Variants in RPS6KA2 observed in about 807,000 individuals in gnomAD.
RPS6KA2 encodes ribosomal protein S6 kinase A2, also known as ribosomal protein S6 kinase alpha-2.
In RPS6KA2, 42 loss-of-function variants were observed where a neutral mutation model predicts 91.8. The observed-to-expected ratio is 0.46, with a 90% CI of 0.36 to 0.59. The LOEUF (loss-of-function observed/expected upper bound fraction) is 0.59, where lower values mean the gene tolerates loss of function less well. Ranked by LOEUF, RPS6KA2 falls within the 20% of genes least tolerant of loss-of-function variation. RPS6KA2 has a pLI of 0.00. For missense variants in RPS6KA2, 798 were observed against 978.5 expected (o/e 0.82, Z 2.46); for synonymous variants, 414 against 393.6 (o/e 1.05, Z -0.61).
At chr6:166,844,826 C>G (rs187358798) in intron 2 of RPS6KA2, among the ~76,000 whole-genome samples, 22 of 151,282 alleles carry the variant, frequency 1.5e-4, no homozygotes, top group African/African-American at 5.1e-4. Context: ...CTTCTTAAAA[C>G]ATAAATCTCA....
At chr6:166,778,556 A>C (rs541142537) in intron 2 of RPS6KA2, among the ~76,000 whole-genome samples, 18 of 152,358 alleles carry the variant, frequency 1.2e-4, no homozygotes, top group Admixed American at 6.5e-4. Flanking sequence ...ACCTGAGGTC[A>C]GGAGTTCAAG....
chr6:166,861,929 G>A (rs1281295272), intron 1 of RPS6KA2, among the ~76,000 whole-genome samples: 1 of 152,242 alleles, frequency 6.6e-6, no homozygotes, highest in Non-Finnish European at 1.5e-5. Context: ...CACACGCAAT[G>A]TTTATCCATG....
chr6:166,476,124 G>A (rs1281566561), intron 10 of RPS6KA2, among the ~76,000 whole-genome samples: 1 of 152,174 alleles, frequency 6.6e-6, no homozygotes, highest in Middle Eastern at 3.2e-3. Flanking sequence ...GGGAAATTTG[G>A]ACACAGACCC....
intron 2 of RPS6KA2, among the ~76,000 whole-genome samples, chr6:166,653,462 C>T (rs886096708): frequency 6.6e-6 from 1 of 152,226 alleles, no homozygotes; most frequent in Non-Finnish European, 1.5e-5. Context: ...GAATCAGACA[C>T]GAGAAGACGG....
rs58803664 is a variant in RPS6KA2, at chr6:166,650,739, C to T, written c.124-111955G>A. Among the ~76,000 whole-genome samples, 4 of 152,246 alleles carry T rather than the reference C, an allele frequency of 2.6e-5. No individual in the cohort carries two copies. The South Asian group carries it at 8.3e-4, about 32-fold the overall frequency. ...TTGTTGGCTTCAAGTTCACTTGGTT[C>T]TCTCTCTGTCTCCAGTCCTGGCTGA... On this transcript the variant is annotated intron_variant, in intron 2 of 21. Coordinates refer to the RPS6KA2 transcript ENST00000503859.
At chr6:166,745,510 C>T (rs909085872) in intron 2 of RPS6KA2, among the ~76,000 whole-genome samples, 4 of 152,148 alleles carry the variant, frequency 2.6e-5, no homozygotes, top group African/African-American at 9.7e-5. Flanking sequence ...ACCTTCAAGA[C>T]CATTTTACCT....
At chr6:166,812,794 T>C (rs1779673070) in intron 2 of RPS6KA2, among the ~76,000 whole-genome samples, 1 of 152,216 alleles carries the variant, frequency 6.6e-6, no homozygotes, top group Non-Finnish European at 1.5e-5. Flanking sequence ...CTCACATTTT[T>C]CATCTTTGAG....
chr6:166,463,895 G>A (rs563297297), intron 11 of RPS6KA2, among the ~76,000 whole-genome samples: 34 of 152,252 alleles, frequency 2.2e-4, no homozygotes, highest in African/African-American at 7.7e-4. Context: ...CTCATGGAGC[G>A]GGACTGTGCC....
In RPS6KA2 at chr6:166,662,692, T is replaced by C. The variant is rs9348166; in HGVS notation, c.124-123908A>G. Among the ~76,000 whole-genome samples, 21,178 of 152,170 alleles carry C rather than the reference T, an allele frequency of 0.14. 1,503 individuals carry two copies. Among genetic ancestry groups the C allele is most frequent in the Middle Eastern group, 0.18 (52 of 294 alleles). On this transcript the variant is annotated intron_variant, in intron 2 of 21. Transcript: ENST00000503859. This position sits in a 1 kb window ranked among gnomAD's most constrained non-coding sequence, Gnocchi z 4.3. The stretch of plus-strand genomic sequence containing the variant: ...TGGTTTAGCTTGTAAACCCAATATT[T>C]CATCATAATCCAGTAAACCAAATTA...
chr6:166,857,944 T>G (rs1007116453), intron 2 of RPS6KA2: 10 of 523,176 alleles, frequency 1.9e-5, no homozygotes, highest in Middle Eastern at 4.6e-4. Flanking sequence ...CAGGAGACCA[T>G]GAACTTTACC....
intron 2 of RPS6KA2, among the ~76,000 whole-genome samples, chr6:166,677,582 A>G (rs1161603844): frequency 6.6e-6 from 1 of 152,168 alleles, no homozygotes; most frequent in African/African-American, 2.4e-5. Flanking sequence ...CCTGGCCTCA[A>G]GTGATCTGCC....
At chr6:166,450,443 A>T (rs111163609) in intron 13 of RPS6KA2, among the ~76,000 whole-genome samples, 5 of 141,830 alleles carry the variant, frequency 3.5e-5, no homozygotes, top group African/African-American at 7.9e-5. Flanking sequence ...GGACCACCAC[A>T]GGAACCACCA....
At chr6:166,647,968 ATACACACATGCTCACACACACG>A (rs1235281748) in intron 2 of RPS6KA2, among the ~76,000 whole-genome samples, 5 of 139,010 alleles carry the variant, frequency 3.6e-5, no homozygotes, top group African/African-American at 1.4e-4. Flanking sequence ...GCTTACATAC[ATACACACATGCTCACACACACG>A]CACATGCTCA....
At position 166,568,621 on chromosome 6, in the gene RPS6KA2, G is replaced by GAAAAAAAA. The variant is rs60613942; in HGVS notation, c.100-29845_100-29838dup. ...ACAACAAGAGCAAAACTCCATCTCAGAAAAAAAAAAAAAAAAAAAAAAAAA... is the reference window on the plus strand; with the variant it reads ...ACAACAAGAGCAAAACTCCATCTCAGAAAAAAAAAAAAAAAAAAAAAAAAAAAAAAAAA... On this transcript the variant is annotated intron_variant, in intron 1 of 20. Transcript: ENST00000265678. 9.4e-4 allele frequency among the ~76,000 whole-genome samples: 43 copies of GAAAAAAAA among 45,548 alleles called. 6 individuals carry two copies. The highest frequency in any genetic ancestry group is 1.6e-3 in the Non-Finnish European group (39 of 24,292). 29.9% of individuals were successfully genotyped at this position (45,548 alleles called of 152,430 possible).
At chr6:166,804,631 A>G (rs1202490503) in intron 2 of RPS6KA2, among the ~76,000 whole-genome samples, 1 of 151,982 alleles carries the variant, frequency 6.6e-6, no homozygotes, top group Admixed American at 6.6e-5. Context: ...ATATTTATCT[A>G]TATACGTTAG....
rs3734598 is a variant in RPS6KA2, at chr6:166,741,686, C to G, written c.123+116514G>C. On this transcript the variant is annotated intron_variant, in intron 2 of 21. Coordinates refer to the RPS6KA2 transcript ENST00000503859. ...TACCCAATGGGTGGCTCTTCACCAGCCCTCCAGGGCCCCGCCTTCAAGGGC... is the reference window on the plus strand; with the variant it reads ...TACCCAATGGGTGGCTCTTCACCAGGCCTCCAGGGCCCCGCCTTCAAGGGC... Among the ~76,000 whole-genome samples, 1,577 of 152,276 alleles carry G rather than the reference C, an allele frequency of 0.01. 43 individuals are homozygous for G. The East Asian group carries it at 0.1, about 10-fold the overall frequency.
chr6:166,442,327 G>C (rs1167102477), intron 14 of RPS6KA2, among the ~76,000 whole-genome samples: 1 of 152,226 alleles, frequency 6.6e-6, no homozygotes, highest in Non-Finnish European at 1.5e-5. Context: ...TATGACGAGT[G>C]AGTCTGCTGG....
chr6:166,557,379 AGGTGGCC>A lies in RPS6KA2; in HGVS notation c.100-18602_100-18596del, dbSNP rs1784208687. Among the ~76,000 whole-genome samples the A allele has an allele frequency of 6.6e-6, 1 of 152,268 alleles. No individual in the cohort carries two copies. The highest frequency in any genetic ancestry group is 2.4e-5 in the African/African-American group (1 of 41,480). On this transcript the variant is annotated intron_variant, in intron 1 of 20. Transcript: ENST00000265678. This position sits in a 1 kb window ranked among gnomAD's most constrained non-coding sequence, Gnocchi z 4.8. ...CACGTCCCCCACAGACTCAATGGTCAGGTGGCCGGGGTCACTCTGAAAATGAACTGTT... is the reference window on the plus strand; with the variant it reads ...CACGTCCCCCACAGACTCAATGGTCAGGGGTCACTCTGAAAATGAACTGTT...
At position 166,732,058 on chromosome 6, in the gene RPS6KA2, T is replaced by C. The variant is rs1167687613; in HGVS notation, c.123+126142A>G. ...ACTGAGGAGACGGGAAGGGATGGGA[T>C]TGGGGAGAAATAACAAAACTGGAAT... On this transcript the variant is annotated intron_variant, in intron 2 of 21. Coordinates refer to the RPS6KA2 transcript ENST00000503859. This position sits in a 1 kb window ranked among gnomAD's most constrained non-coding sequence, Gnocchi z 4.0. 3.3e-5 allele frequency among the ~76,000 whole-genome samples: 5 copies of C among 152,144 alleles called. No homozygotes were observed. In the South Asian group the frequency reaches 1.0e-3, roughly 32 times the overall value.
Sources: gnomAD v4.1 joint callset for allele counts (sites outside exome capture counted in the v4.1 genomes callset) on GRCh38, gnomAD v4.1.1 for gene constraint, Gnocchi (gnomAD v3.1) non-coding constraint, MANE v1.5 for transcripts, NCBI Gene and HGNC (gene_info 2026-07-23, HGNC 2026-07-21) for gene names.